ADGRV1: variants seen among roughly 807,000 people sequenced by gnomAD.
ADGRV1 encodes adhesion G protein-coupled receptor V1.
ADGRV1 carries 359 observed loss-of-function variants against 596.2 expected under a neutral mutation model. The ratio of observed to expected loss-of-function variants is 0.60; its 90% confidence interval spans 0.55 to 0.66. The LOEUF (loss-of-function observed/expected upper bound fraction) is 0.66. Among genes scored for constraint, ADGRV1 ranks in the 30% least tolerant of loss-of-function variants. ADGRV1 has a pLI of 0.00. For synonymous variants in ADGRV1, 2,681 were observed against 2,679.2 expected (o/e 1.00, Z -0.02); for missense variants, 7,274 against 7,575.6 (o/e 0.96, Z 1.48).
At chr5:90,775,168 C>CT (rs1047081799) in intron 60 of ADGRV1, among the ~76,000 whole-genome samples, 2 of 152,080 alleles carry the variant, frequency 1.3e-5, no homozygotes, top group Non-Finnish European at 2.9e-5. Context: ...TAATACATTT[C>CT]TTTTTTGCCA....
At position 90,691,058 on chromosome 5, in the gene ADGRV1, G is replaced by C; in HGVS notation, c.6951+17G>C. The stretch of plus-strand genomic sequence containing the variant: ...ATTGAAGAGGTGAGAGGACTGGCTA[G>C]TATAGAATGACACTGTAAATCATAC... On this transcript the variant is annotated intron_variant, in intron 31 of 89. Transcript: ENST00000405460. 1.2e-6 allele frequency: 2 copies of C among 1,613,508 alleles called. No homozygotes were observed. Among genetic ancestry groups the C allele is most frequent in the Non-Finnish European group, 1.7e-6 (2 of 1,179,612 alleles).
chr5:91,127,954 C>T (rs765447457), intron 87 of ADGRV1, among the ~76,000 whole-genome samples: 32 of 152,090 alleles, frequency 2.1e-4, no homozygotes, highest in Admixed American at 3.9e-4. Flanking sequence ...AAGTGTGCCT[C>T]TTTGTGTTAA....
intron 85 of ADGRV1, among the ~76,000 whole-genome samples, chr5:91,021,814 G>A (rs1444242580): frequency 6.6e-6 from 1 of 152,038 alleles, no homozygotes; most frequent in Admixed American, 6.6e-5. Context: ...GAAGAGTAGT[G>A]CCTAGATAGG....
chr5:90,561,319 A>G (rs1272554181), intron 1 of ADGRV1, among the ~76,000 whole-genome samples: 2 of 152,156 alleles, frequency 1.3e-5, no homozygotes, highest in African/African-American at 2.4e-5. Context: ...CAACCTCTTT[A>G]TTTTATATTT....
chr5:91,058,823 A>G (rs78749833), intron 85 of ADGRV1, among the ~76,000 whole-genome samples: 1 of 152,160 alleles, frequency 6.6e-6, no homozygotes, highest in East Asian at 1.9e-4. Context: ...ACACAGGCAG[A>G]CAATCATAAT....
chr5:90,861,976 T>C (rs1055418365), intron 82 of ADGRV1, among the ~76,000 whole-genome samples: 6 of 152,212 alleles, frequency 3.9e-5, no homozygotes, highest in African/African-American at 1.2e-4. Context: ...GTTATAGTTA[T>C]AGGCTGGTAG....
At chr5:91,043,124 C>T (rs1785506064) in intron 85 of ADGRV1, among the ~76,000 whole-genome samples, 1 of 152,108 alleles carries the variant, frequency 6.6e-6, no homozygotes, top group African/African-American at 2.4e-5. Context: ...GAAGAGGCAC[C>T]AACGTTTCCT....
intron 83 of ADGRV1, among the ~76,000 whole-genome samples, chr5:90,891,008 A>G (rs888531160): frequency 1.3e-5 from 2 of 152,044 alleles, no homozygotes; most frequent in African/African-American, 2.4e-5. Flanking sequence ...TGAAATTAAA[A>G]GGAAATTCAC....
chr5:90,995,604 C>G (rs1370814444), intron 85 of ADGRV1, among the ~76,000 whole-genome samples: 1 of 152,068 alleles, frequency 6.6e-6, no homozygotes, highest in Non-Finnish European at 1.5e-5. Flanking sequence ...ATGAAGATAC[C>G]TGAAAAGGTG....
At chr5:90,944,010 G>A (rs536168297) in intron 83 of ADGRV1, among the ~76,000 whole-genome samples, 16 of 152,080 alleles carry the variant, frequency 1.1e-4, no homozygotes, top group African/African-American at 3.6e-4. Context: ...TATCTTTATT[G>A]TATTTACTAT....
chr5:90,600,099 A>T (rs1233491660), intron 1 of ADGRV1, among the ~76,000 whole-genome samples: 1 of 152,170 alleles, frequency 6.6e-6, no homozygotes, highest in Non-Finnish European at 1.5e-5. Flanking sequence ...GGTAGTACTT[A>T]GTTGGACCAT....
chr5:90,658,291 C>G lies in ADGRV1; in HGVS notation c.4752+13C>G. 6.8e-7 allele frequency: 1 copy of G among 1,466,934 alleles called. No individual in the cohort carries two copies. Among genetic ancestry groups the G allele is most frequent in the East Asian group, 2.3e-5 (1 of 43,110 alleles). 90.9% of individuals were successfully genotyped at this position (1,466,934 alleles called of 1,614,324 possible). A position where few individuals can be genotyped will look rare whatever the true frequency, so the allele number is the denominator to read the frequency against. ...TTGTATACCAGAGGTAAGTAGTGAG[C>G]TTGGAGAATTTTGGATTTAAAAATT... On this transcript the variant is annotated intron_variant, in intron 21 of 89. Coordinates refer to ENST00000405460, the MANE Select transcript of ADGRV1 (RefSeq NM_032119.4).
At chr5:90,974,746 C>T (rs1779398985) in intron 84 of ADGRV1, among the ~76,000 whole-genome samples, 1 of 152,088 alleles carries the variant, frequency 6.6e-6, no homozygotes, top group Non-Finnish European at 1.5e-5. Flanking sequence ...CCATAAAAAC[C>T]CTAGAAGAAA....
intron 86 of ADGRV1, among the ~76,000 whole-genome samples, chr5:91,095,850 T>C (rs1180870499): frequency 6.6e-6 from 1 of 152,178 alleles, no homozygotes; most frequent in Admixed American, 6.5e-5. Context: ...TGGTGCGATC[T>C]TGGCTCACCG....
chr5:91,159,503 A>G (rs957779067), intron 89 of ADGRV1, among the ~76,000 whole-genome samples: 4 of 152,352 alleles, frequency 2.6e-5, no homozygotes, highest in Non-Finnish European at 4.4e-5. Flanking sequence ...ACATTTTTAA[A>G]AATTTAGAAA....
intron 11 of ADGRV1, among the ~76,000 whole-genome samples, chr5:90,641,560 A>G (rs1041322978): frequency 2.0e-5 from 3 of 152,232 alleles, no homozygotes; most frequent in South Asian, 2.1e-4. Flanking sequence ...TGTTTTAACA[A>G]TATAAAATAA....
chr5:90,675,421 A>G lies in ADGRV1; in HGVS notation c.5289A>G (p.Thr1763=). The change falls in exon 24 of 90, where the codon ACA becomes ACG. Residue 1763 remains threonine (T), a synonymous_variant. Transcript: ENST00000405460. The part of the protein sequence containing the change: ...VTAEFRTVSL[T]AFSPEDYQNV... ...CGGAATTTAGAACAGTGTCCTTGAC[A>G]GCATTCAGTCCTGAGGATTACCAGG... 2 of 1,613,670 alleles carry G rather than the reference A, an allele frequency of 1.2e-6. No homozygotes were observed. The highest frequency in any genetic ancestry group is 2.2e-5 in the East Asian group (1 of 44,882).
At chr5:90,899,768 T>G (rs1374538555) in intron 83 of ADGRV1, among the ~76,000 whole-genome samples, 1 of 152,090 alleles carries the variant, frequency 6.6e-6, no homozygotes, top group Non-Finnish European at 1.5e-5. Flanking sequence ...TTCCAGACTC[T>G]CATGCTCCAT....
intron 7 of ADGRV1, among the ~76,000 whole-genome samples, chr5:90,628,220 C>CAAAATAAAAT (rs70999498): frequency 0.018 from 2,345 of 129,524 alleles, 92 homozygotes; most frequent in African/African-American, 0.063. Context: ...ACCCCGCCCA[C>CAAAATAAAAT]AAAATAAAAT....
Sources: allele counts gnomAD v4.1 joint callset (sites outside exome capture counted in the v4.1 genomes callset), GRCh38; gene constraint gnomAD v4.1.1; transcripts MANE v1.5; gene names NCBI Gene and HGNC (gene_info 2026-07-23, HGNC 2026-07-21).